The following PFKP variants were observed in gnomAD, a reference collection of about 807,000 sequenced individuals.
The protein encoded by PFKP is ATP-dependent 6-phosphofructokinase, platelet type.
A neutral mutation model predicts 94.3 loss-of-function variants in PFKP; 101 were observed. The observed-to-expected ratio is 1.07, with a 90% CI of 0.91 to 1.26. The LOEUF is 1.26. Ranked by LOEUF, PFKP falls within the 50% of genes most tolerant of loss-of-function variation. The probability of loss-of-function intolerance (pLI) is 0.00; values close to 1 mark genes in which losing one functional copy is unlikely to be tolerated. For synonymous variants in PFKP, 573 were observed against 432.6 expected (o/e 1.32, Z -4.03); for missense variants, 1,145 against 1,103.3 (o/e 1.04, Z -0.53).
intron 2 of PFKP, among the ~76,000 whole-genome samples, chr10:3,091,393 C>A (rs10430751): frequency 6.6e-6 from 1 of 151,980 alleles, no homozygotes; most frequent in East Asian, 1.9e-4. Context: ...AGGGCTGCCA[C>A]TGTGTCTGCA....
chr10:3,099,270 C>A lies in PFKP; in HGVS notation c.187-5C>A. ...TTTTTAAAAGATTCTCCCTTTCTCC[C>A]CTAGGGCTACCAGGGCATGGTGGAC... On this transcript the variant is annotated splice_polypyrimidine_tract_variant and splice_region_variant and intron_variant, in intron 2 of 21. Coordinates refer to ENST00000381125, the MANE Select transcript of PFKP (RefSeq NM_002627.5). 1 of 1,611,038 alleles carries A rather than the reference C, an allele frequency of 6.2e-7. No individual in the cohort carries two copies. Among genetic ancestry groups the A allele is most frequent in the Non-Finnish European group, 8.5e-7 (1 of 1,177,242 alleles).
chr10:3,069,142 C>A, intron 1 of PFKP: 1 of 824,384 alleles, frequency 1.2e-6, no homozygotes, highest in Non-Finnish European at 1.6e-6. Context: ...TCCCCAGGCC[C>A]AGCGCCCCCC....
chr10:3,118,460 C>G (rs79563339), intron 14 of PFKP, among the ~76,000 whole-genome samples: 27,537 of 151,454 alleles, frequency 0.18, 3,154 homozygotes, highest in African/African-American at 0.33. Flanking sequence ...AAGTGAGACT[C>G]CATCTTGGAA....
Position 3,101,410 on chromosome 10 carries a change from C to T in PFKP, c.310C>T (p.Arg104Trp), listed in dbSNP as rs143469382. The T allele has an allele frequency of 3.9e-5, 62 of 1,604,146 alleles. No individual in the cohort carries two copies. The African/African-American group carries it at 5.3e-4, about 14-fold the overall frequency. ...GSARCQAFRT[R>W]EGRLKAACNL... The stretch of plus-strand genomic sequence containing the variant: ...TGCGCGGTGCCAGGCCTTCCGCACG[C>T]GGGAAGGCCGCCTGAAGGCTGCTTG... Residue 104 changes from arginine to tryptophan, a missense_variant, in exon 4 of 22, where the codon CGG (arginine) becomes TGG (tryptophan). Arg to Trp is a moderately radical substitution (Grantham distance 101). Around this residue, in one of 3 missense-constraint regions of PFKP, gnomAD observed 1,119 missense variants for 1,062.8 expected, o/e 1.05. Coordinates refer to ENST00000381125, the MANE Select transcript of PFKP (RefSeq NM_002627.5).
intron 2 of PFKP, among the ~76,000 whole-genome samples, chr10:3,087,015 C>T (rs1171505465): frequency 6.6e-6 from 1 of 151,158 alleles, no homozygotes; most frequent in African/African-American, 2.4e-5. Flanking sequence ...CTGTGTCGCC[C>T]AGGCTGGAGT....
chr10:3,111,791 G>A (rs370655746), intron 10 of PFKP, among the ~76,000 whole-genome samples: 4 of 152,126 alleles, frequency 2.6e-5, no homozygotes, highest in East Asian at 1.9e-4. Flanking sequence ...CTGTGACCTC[G>A]CTCCCATCCC....
intron 15 of PFKP, 46 bp downstream of exon 15, chr10:3,118,915 G>C: frequency 7.0e-7 from 1 of 1,429,458 alleles, no homozygotes; most frequent in Non-Finnish European, 9.8e-7. Context: ...TGTGAGCCGC[G>C]CCCTGTGTTG....
intron 3 of PFKP, chr10:3,100,995 C>G: frequency 3.1e-6 from 5 of 1,611,854 alleles, no homozygotes; most frequent in African/African-American, 1.3e-5. Context: ...CCGGCATGCT[C>G]TGGTGGTCAG....
At chr10:3,108,891 C>A in intron 9 of PFKP, 98 bp downstream of exon 9, 1 of 897,892 alleles carries the variant, frequency 1.1e-6, no homozygotes, top group Admixed American at 1.8e-5. Context: ...TGGCAAGGTG[C>A]TCCCCGAGAG....
intron 2 of PFKP, among the ~76,000 whole-genome samples, chr10:3,091,081 G>T (rs986030050): frequency 1.3e-5 from 2 of 152,166 alleles, no homozygotes; most frequent in Non-Finnish European, 2.9e-5. Context: ...CGCTGCTTGA[G>T]CTCCTATAAA....
chr10:3,102,710 C>G (rs993075850), intron 4 of PFKP, among the ~76,000 whole-genome samples: 9 of 152,194 alleles, frequency 5.9e-5, no homozygotes, highest in African/African-American at 2.2e-4. Context: ...GTTTTTCTCC[C>G]TTGAAGCGGT....
At chr10:3,113,278 A>G (rs1836443277) in intron 12 of PFKP, 90 bp downstream of exon 12, 5 of 1,578,638 alleles carry the variant, frequency 3.2e-6, no homozygotes, top group Non-Finnish European at 4.3e-6. Context: ...ACCTGTTTTC[A>G]GGCCTGGCAC....
intron 16 of PFKP, among the ~76,000 whole-genome samples, chr10:3,124,377 G>A (rs1295559835): frequency 6.6e-6 from 1 of 152,190 alleles, no homozygotes; most frequent in Non-Finnish European, 1.5e-5. Flanking sequence ...CCCTGAGGTG[G>A]AGTCTGAAAA....
chr10:3,127,290 C>T (rs1485982786), intron 16 of PFKP, among the ~76,000 whole-genome samples: 1 of 152,274 alleles, frequency 6.6e-6, no homozygotes, highest in Admixed American at 6.5e-5. Context: ...GGTGTCAGGG[C>T]TGCGCTGTTC....
intron 2 of PFKP, among the ~76,000 whole-genome samples, chr10:3,097,942 T>A (rs1379366573): frequency 6.6e-6 from 1 of 152,048 alleles, no homozygotes; most frequent in African/African-American, 2.4e-5. Flanking sequence ...CTGGGAGATG[T>A]AAGTTGCAGT....
intron 2 of PFKP, among the ~76,000 whole-genome samples, chr10:3,083,881 GA>G (rs1023737838): frequency 2.6e-5 from 4 of 152,130 alleles, no homozygotes; most frequent in Admixed American, 6.5e-5. Context: ...GACCTCAGGT[GA>G]TCTGCCTGCC....
rs1438878902 is a variant in PFKP, at chr10:3,089,697, TTATACA to T, written c.186+7240_186+7245del. ...ATGTATAATATGAATTATATATGTA[TTATACA>T]TATCGTATACAATGTTATACATTAT... On this transcript the variant is annotated intron_variant, in intron 2 of 21. Coordinates refer to ENST00000381125, the MANE Select transcript of PFKP (RefSeq NM_002627.5). 3.3e-5 allele frequency among the ~76,000 whole-genome samples: 5 copies of T among 149,840 alleles called. No individual in the cohort carries two copies. The Admixed American group carries it at 3.3e-4, about 10-fold the overall frequency.
At chr10:3,068,702 C>T in intron 1 of PFKP, 1 of 985,052 alleles carries the variant, frequency 1.0e-6, no homozygotes. Flanking sequence ...GGCGCCGGTG[C>T]CCGGATGATG....
intron 16 of PFKP, among the ~76,000 whole-genome samples, chr10:3,121,610 A>C (rs1373512767): frequency 2.0e-5 from 3 of 147,312 alleles, no homozygotes; most frequent in Non-Finnish European, 4.5e-5. Context: ...CAGATTGTAA[A>C]TATGTAACAA....
Sources: allele counts gnomAD v4.1 joint callset (sites outside exome capture counted in the v4.1 genomes callset), GRCh38; gene constraint gnomAD v4.1.1; regional missense constraint gnomAD v4.1.1; transcripts MANE v1.5; gene names NCBI Gene and HGNC (gene_info 2026-07-23, HGNC 2026-07-21).